CSMD1: variants seen among roughly 807,000 people sequenced by gnomAD.
CSMD1 encodes the protein CUB and Sushi multiple domains 1.
CSMD1 carries 213 observed loss-of-function variants against 417.5 expected under a neutral mutation model. That is an observed-to-expected ratio of 0.51 (90% CI 0.46 to 0.57). CSMD1 has a LOEUF of 0.57. Ranked by LOEUF, CSMD1 falls within the 20% of genes least tolerant of loss-of-function variation. The pLI is 0.00. For missense variants in CSMD1, 6,923 were observed against 4,529.7 expected, an observed-to-expected ratio of 1.53 and a Z score of -15.17; for synonymous variants, 2,862 against 1,736.8, an observed-to-expected ratio of 1.65 and a Z score of -16.11.
intron 2 of CSMD1, among the ~76,000 whole-genome samples, chr8:4,508,246 T>A (rs1309264203): frequency 1.3e-5 from 2 of 151,828 alleles, no homozygotes; most frequent in African/African-American, 2.4e-5. Context: ...CAAACATTTA[T>A]TTTTCATCAG....
chr8:3,629,856 C>T (rs779675236), intron 7 of CSMD1, among the ~76,000 whole-genome samples: 1 of 152,152 alleles, frequency 6.6e-6, no homozygotes, highest in Admixed American at 6.5e-5. Context: ...TCTCCACAAA[C>T]AAAACTAGTT....
rs564244533 is a variant in CSMD1 at position 4,395,503 on chromosome 8, C to G, written c.415+24450G>C. Reference sequence around the variant, plus strand: ...GAAGAATACAAATCTCCACCCCTCACTCCCTACACCAGTTCCCCACCTACT... The same window carrying G: ...GAAGAATACAAATCTCCACCCCTCAGTCCCTACACCAGTTCCCCACCTACT... On this transcript the variant is annotated intron_variant, in intron 3 of 69. Coordinates refer to ENST00000635120, the MANE Select transcript of CSMD1 (RefSeq NM_033225.6). Among the ~76,000 whole-genome samples, 23 of 151,490 alleles carry G rather than the reference C, an allele frequency of 1.5e-4. No individual in the cohort carries two copies. In the Middle Eastern group the frequency reaches 0.028, roughly 183 times the overall value.
intron 1 of CSMD1, among the ~76,000 whole-genome samples, chr8:4,846,136 C>T (rs982722768): frequency 2.6e-5 from 4 of 152,190 alleles, no homozygotes; most frequent in Non-Finnish European, 5.9e-5. Flanking sequence ...TCATCTCTTT[C>T]TCCTGTCCTG....
intron 6 of CSMD1, among the ~76,000 whole-genome samples, chr8:3,708,993 C>T (rs528868488): frequency 3.3e-5 from 5 of 152,142 alleles, no homozygotes; most frequent in African/African-American, 1.2e-4. Context: ...AAGGCATGCT[C>T]TACGTGCTGT....
At chr8:4,216,638 C>G (rs1206861501) in intron 3 of CSMD1, among the ~76,000 whole-genome samples, 1 of 152,048 alleles carries the variant, frequency 6.6e-6, no homozygotes, top group Non-Finnish European at 1.5e-5. Flanking sequence ...GCCTCACAGC[C>G]CTGTGTTCTT....
intron 2 of CSMD1, among the ~76,000 whole-genome samples, chr8:4,534,494 C>A (rs961526973): frequency 1.3e-5 from 2 of 152,196 alleles, no homozygotes; most frequent in East Asian, 3.9e-4. Context: ...TCAGATACAG[C>A]GGGGTACAGG....
intron 18 of CSMD1, among the ~76,000 whole-genome samples, chr8:3,379,478 T>C (rs192763173): frequency 6.6e-6 from 1 of 152,234 alleles, no homozygotes; most frequent in African/African-American, 2.4e-5. Context: ...GGAGGCATCG[T>C]GCTACCTGAC....
chr8:4,162,318 T>C (rs2131100444), intron 3 of CSMD1, among the ~76,000 whole-genome samples: 1 of 152,326 alleles, frequency 6.6e-6, no homozygotes, highest in South Asian at 2.1e-4. Flanking sequence ...GTTTAATGGA[T>C]TTATGTTACT....
intron 3 of CSMD1, among the ~76,000 whole-genome samples, chr8:4,342,233 CTGTGTGTGTGTGTG>C (rs1219686033): frequency 4.3e-5 from 1 of 23,464 alleles, no homozygotes; most frequent in African/African-American, 2.4e-4. Context: ...GTGTGTGTGT[CTGTGTGTGTGTGTG>C]TGTCTCTGTA....
chr8:3,560,881 G>C (rs1175438589), intron 10 of CSMD1, among the ~76,000 whole-genome samples: 1 of 152,238 alleles, frequency 6.6e-6, no homozygotes, highest in Non-Finnish European at 1.5e-5. Flanking sequence ...ACCATTTACT[G>C]ATTGATTCTT....
At chr8:4,404,695 T>C (rs112343718) in intron 3 of CSMD1, among the ~76,000 whole-genome samples, 25 of 152,108 alleles carry the variant, frequency 1.6e-4, no homozygotes, top group African/African-American at 6.0e-4. Flanking sequence ...GTTTATAATA[T>C]TAATATTTAA....
At chr8:4,548,313 T>C (rs1470028340) in intron 2 of CSMD1, among the ~76,000 whole-genome samples, 2 of 152,206 alleles carry the variant, frequency 1.3e-5, no homozygotes, top group African/African-American at 4.8e-5. Context: ...ATAAGTCTCA[T>C]TTTTATTTTA....
At chr8:3,495,188 C>G (rs1342399777) in intron 10 of CSMD1, among the ~76,000 whole-genome samples, 1 of 152,136 alleles carries the variant, frequency 6.6e-6, no homozygotes, top group African/African-American at 2.4e-5. Context: ...AACGTAGCAC[C>G]TGATATTTTT....
At chr8:4,857,218 C>T (rs1481649615) in intron 1 of CSMD1, among the ~76,000 whole-genome samples, 61 of 149,128 alleles carry the variant, frequency 4.1e-4, no homozygotes, top group African/African-American at 1.2e-3. Flanking sequence ...TTGAAACCAA[C>T]GAGAACAAAG....
At chr8:3,209,065 G>A (rs980532615) in intron 30 of CSMD1, among the ~76,000 whole-genome samples, 1 of 152,156 alleles carries the variant, frequency 6.6e-6, no homozygotes, top group Admixed American at 6.6e-5. Context: ...GAATAAAAGA[G>A]CATTGCCTTA....
chr8:4,340,301 G>C (rs1194196040), intron 3 of CSMD1, among the ~76,000 whole-genome samples: 1 of 151,990 alleles, frequency 6.6e-6, no homozygotes, highest in Non-Finnish European at 1.5e-5. Flanking sequence ...GTGTTTGCAA[G>C]GCATCTCCAT....
intron 3 of CSMD1, among the ~76,000 whole-genome samples, chr8:4,189,732 T>C (rs1314014639): frequency 6.6e-6 from 1 of 152,094 alleles, no homozygotes; most frequent in Non-Finnish European, 1.5e-5. Flanking sequence ...ATTAATACTT[T>C]TGACATTAGA....
chr8:3,753,055 T>C (rs545676684), intron 6 of CSMD1, among the ~76,000 whole-genome samples: 1 of 152,326 alleles, frequency 6.6e-6, no homozygotes, highest in East Asian at 1.9e-4. Flanking sequence ...TGCTAGTTCC[T>C]GCAGCATGGA....
rs1302934154 is a variant in CSMD1, at chr8:3,422,755, T to A, written c.1562-13150A>T. 2.0e-5 allele frequency among the ~76,000 whole-genome samples: 3 copies of A among 152,326 alleles called. No individual in the cohort carries two copies. The East Asian group carries it at 5.8e-4, about 29-fold the overall frequency. ...ACAGAAAAACATAGACTGGGTAATG[T>A]ATGAAGAGCAGAAATGTATTTCTCA... On this transcript the variant is annotated intron_variant, in intron 12 of 69. Coordinates refer to ENST00000635120, the MANE Select transcript of CSMD1 (RefSeq NM_033225.6).
Sources: gnomAD v4.1 joint callset for allele counts (sites outside exome capture counted in the v4.1 genomes callset) on GRCh38, gnomAD v4.1.1 for gene constraint, MANE v1.5 for transcripts, NCBI Gene and HGNC (gene_info 2026-07-23, HGNC 2026-07-21) for gene names.